The following SUMF1 variants were observed in gnomAD, a reference collection of about 807,000 sequenced individuals.
The protein encoded by SUMF1 is sulfatase modifying factor 1.
Under a neutral mutation model 47.6 loss-of-function variants are expected in SUMF1, and 48 were observed. The observed-to-expected ratio is 1.01, with a 90% CI of 0.80 to 1.28. The LOEUF (loss-of-function observed/expected upper bound fraction) is 1.28, where lower values mean the gene tolerates loss of function less well. Ranked by LOEUF, SUMF1 falls within the 50% of genes most tolerant of loss-of-function variation. The pLI is 0.00. For missense variants in SUMF1, 571 were observed against 485.4 expected, an observed-to-expected ratio of 1.18 and a Z score of -1.66; for synonymous variants, 230 against 192.1, an observed-to-expected ratio of 1.20 and a Z score of -1.63.
chr3:4,320,864 G>C (rs1698815333), intron 8 of SUMF1, among the ~76,000 whole-genome samples: 1 of 152,148 alleles, frequency 6.6e-6, no homozygotes, highest in African/African-American at 2.4e-5. Flanking sequence ...TATGGGAGTA[G>C]GGTGAGAAAC....
chr3:4,277,508 G>T (rs1035942716), intron 8 of SUMF1, among the ~76,000 whole-genome samples: 1 of 152,056 alleles, frequency 6.6e-6, no homozygotes, highest in Non-Finnish European at 1.5e-5. Context: ...AAGAAGAACA[G>T]AGGGAACTGG....
At chr3:4,295,052 T>C (rs1379294338) in intron 8 of SUMF1, among the ~76,000 whole-genome samples, 1 of 152,202 alleles carries the variant, frequency 6.6e-6, no homozygotes, top group Non-Finnish European at 1.5e-5. Context: ...GGTTGAAATA[T>C]CTAAAAATAA....
At chr3:4,293,410 C>A (rs1697779399) in intron 8 of SUMF1, among the ~76,000 whole-genome samples, 1 of 151,874 alleles carries the variant, frequency 6.6e-6, no homozygotes, top group Admixed American at 6.6e-5. Flanking sequence ...GTGGCACAGG[C>A]ATAGAGCAGT....
chr3:4,301,127 G>A (rs1395282887), intron 8 of SUMF1, among the ~76,000 whole-genome samples: 1 of 152,094 alleles, frequency 6.6e-6, no homozygotes, highest in Non-Finnish European at 1.5e-5. Flanking sequence ...AATGTAAAGA[G>A]GGTAACCAAT....
chr3:4,061,995 A>C (rs1014525508), intron 9 of SUMF1, among the ~76,000 whole-genome samples: 2 of 152,032 alleles, frequency 1.3e-5, no homozygotes, highest in Non-Finnish European at 2.9e-5. Flanking sequence ...ATTTACACTC[A>C]GACTCGTTTC....
intron 8 of SUMF1, among the ~76,000 whole-genome samples, chr3:4,185,345 C>T (rs561326501): frequency 6.6e-6 from 1 of 152,272 alleles, no homozygotes; most frequent in Non-Finnish European, 1.5e-5. Flanking sequence ...GATTTTCCAG[C>T]TCCAGGAGAT....
At chr3:4,066,477 ACATT>A (rs1695378234) in intron 9 of SUMF1, among the ~76,000 whole-genome samples, 1 of 152,162 alleles carries the variant, frequency 6.6e-6, no homozygotes, top group Admixed American at 6.5e-5. Context: ...CTTGAAACTT[ACATT>A]TGTCTTATCC....
chr3:4,342,752 G>T (rs761999607), intron 8 of SUMF1, among the ~76,000 whole-genome samples: 1 of 152,030 alleles, frequency 6.6e-6, no homozygotes, highest in Admixed American at 6.5e-5. Context: ...ACTATTACTC[G>T]AGAAATAGAG....
intron 8 of SUMF1, among the ~76,000 whole-genome samples, chr3:4,248,689 T>A (rs1356152611): frequency 6.6e-6 from 1 of 152,204 alleles, no homozygotes; most frequent in Non-Finnish European, 1.5e-5. Flanking sequence ...TTTTTCCTGC[T>A]TCCACCTGGA....
chr3:4,335,761 A>G (rs1699134059), intron 8 of SUMF1, among the ~76,000 whole-genome samples: 1 of 151,926 alleles, frequency 6.6e-6, no homozygotes, highest in South Asian at 2.1e-4. Flanking sequence ...TGGCCAAGAG[A>G]CCAGCCTAGT....
intron 7 of SUMF1, among the ~76,000 whole-genome samples, chr3:4,404,023 T>C (rs1003362958): frequency 1.3e-5 from 2 of 152,238 alleles, no homozygotes; most frequent in African/African-American, 4.8e-5. Flanking sequence ...AAATGGTAAC[T>C]GGAATTAGAA....
intron 8 of SUMF1, among the ~76,000 whole-genome samples, chr3:4,300,517 A>C (rs1362274745): frequency 6.6e-6 from 1 of 152,254 alleles, no homozygotes; most frequent in Admixed American, 6.5e-5. Context: ...CATGAATAGC[A>C]CATTTATAAG....
At chr3:4,099,863 C>CA (rs1257686527) in intron 8 of SUMF1, among the ~76,000 whole-genome samples, 6 of 149,088 alleles carry the variant, frequency 4.0e-5, no homozygotes, top group Non-Finnish European at 7.5e-5. Flanking sequence ...GCAATAGCAT[C>CA]AAAAAAAATA....
chr3:4,244,573 G>A (rs1443505997), intron 8 of SUMF1, among the ~76,000 whole-genome samples: 1 of 152,154 alleles, frequency 6.6e-6, no homozygotes, highest in Non-Finnish European at 1.5e-5. Flanking sequence ...TAAGAATATT[G>A]AATACTGGCC....
chr3:4,073,337 G>A lies in SUMF1; in HGVS notation c.1015-4592C>T, dbSNP rs191047019. On this transcript the variant is annotated intron_variant and NMD_transcript_variant, in intron 8 of 12. Coordinates refer to the SUMF1 transcript ENST00000448413. Reference sequence around the variant, plus strand: ...CCTTACAAGAGCTCCTAAAGGAAGCGCTAAACATGGAAAGGAATAACTGGT... The same window carrying A: ...CCTTACAAGAGCTCCTAAAGGAAGCACTAAACATGGAAAGGAATAACTGGT... 8.3e-4 allele frequency among the ~76,000 whole-genome samples: 126 copies of A among 152,134 alleles called. 1 individual carries two copies. Among genetic ancestry groups the A allele is most frequent in the African/African-American group, 2.4e-3 (99 of 41,482 alleles).
At chr3:4,317,229 G>C (rs891212359) in intron 8 of SUMF1, 35 of 1,541,324 alleles carry the variant, frequency 2.3e-5, no homozygotes, top group East Asian at 4.9e-5. Context: ...TGATTGTAAT[G>C]GTTCCTATTT....
intron 8 of SUMF1, among the ~76,000 whole-genome samples, chr3:4,165,719 G>GA (rs1014068039): frequency 5.9e-5 from 9 of 151,886 alleles, no homozygotes; most frequent in African/African-American, 2.2e-4. Flanking sequence ...CCATGGTGCA[G>GA]AAAAAAATGA....
At chr3:4,120,368 A>G (rs573216456) in intron 8 of SUMF1, among the ~76,000 whole-genome samples, 1 of 152,274 alleles carries the variant, frequency 6.6e-6, no homozygotes, top group African/African-American at 2.4e-5. Flanking sequence ...AGATCTCACA[A>G]TCTATTTGTA....
chr3:4,127,352 G>A (rs1161824167), intron 8 of SUMF1, among the ~76,000 whole-genome samples: 1 of 152,130 alleles, frequency 6.6e-6, no homozygotes, highest in East Asian at 1.9e-4. Context: ...ATTGATCCTG[G>A]GTGTGTCTGT....
Sources: gnomAD v4.1 joint callset for allele counts (sites outside exome capture counted in the v4.1 genomes callset) on GRCh38, gnomAD v4.1.1 for gene constraint, MANE v1.5 for transcripts, NCBI Gene and HGNC (gene_info 2026-07-23, HGNC 2026-07-21) for gene names.